The following NDFIP1 variants were observed in gnomAD, a reference collection of about 807,000 sequenced individuals.
NDFIP1 encodes the protein NEDD4 family-interacting protein 1.
Under a neutral mutation model 28.8 loss-of-function variants are expected in NDFIP1, and 7 were observed. That is an observed-to-expected ratio of 0.24 (90% CI 0.14 to 0.46). NDFIP1 has a LOEUF of 0.46. Ranked by LOEUF, NDFIP1 falls within the 20% of genes least tolerant of loss-of-function variation. NDFIP1 has a pLI of 0.99. For missense variants in NDFIP1, 194 were observed against 269.1 expected (o/e 0.72, Z 1.95); for synonymous variants, 92 against 101.0 (o/e 0.91, Z 0.53).
At chr5:142,151,079 G>A (rs745378800) in intron 7 of NDFIP1, among the ~76,000 whole-genome samples, 9 of 152,148 alleles carry the variant, frequency 5.9e-5, no homozygotes, top group Non-Finnish European at 1.3e-4. Context: ...GCATTATTTC[G>A]AGAGCATTTA....
chr5:142,142,940 A>AAAAAAAAAAAAATATAT (rs60076432), intron 6 of NDFIP1: 1 of 38,148 alleles, frequency 2.6e-5, no homozygotes, highest in African/African-American at 1.3e-4. Flanking sequence ...AAAAAAAAAA[A>AAAAAAAAAAAAATATAT]ATATATATAT....
In NDFIP1 at chr5:142,108,934, A is replaced by AGCTC. The variant is rs762686934; in HGVS notation, c.-28_-25dup. On this transcript the variant is annotated 5_prime_UTR_variant, in exon 1 of 8. Coordinates refer to ENST00000253814, the MANE Select transcript of NDFIP1 (RefSeq NM_030571.4). Reference sequence around the variant, plus strand: ...CCGCAGCGGCCGCGCCCCTTCAGCTAGCTCGCTCGCTCGCTCTGCTTCCCT... The same window carrying AGCTC: ...CCGCAGCGGCCGCGCCCCTTCAGCTAGCTCGCTCGCTCGCTCGCTCTGCTTCCCT... The AGCTC allele has an allele frequency of 1.9e-5, 27 of 1,412,362 alleles. No homozygotes were observed. Among genetic ancestry groups the AGCTC allele is most frequent in the South Asian group, 1.7e-4 (12 of 70,064 alleles). 87.5% of individuals were successfully genotyped at this position (1,412,362 alleles called of 1,614,324 possible).
intron 1 of NDFIP1, among the ~76,000 whole-genome samples, chr5:142,131,412 C>CT (rs759725738): frequency 2.0e-5 from 3 of 152,064 alleles, no homozygotes; most frequent in East Asian, 3.9e-4. Context: ...GCAGCTGGGA[C>CT]TATAGGAGTG....
chr5:142,110,855 AT>A (rs763587843), intron 1 of NDFIP1, among the ~76,000 whole-genome samples: 368 of 17,616 alleles, frequency 0.021, 5 homozygotes, highest in Admixed American at 0.13. Context: ...ATTTACATCC[AT>A]TTTTTTTTTC....
Position 142,118,399 on chromosome 5 carries a change from C to T in NDFIP1, c.63+9362C>T, listed in dbSNP as rs186310043. 2.0e-5 allele frequency among the ~76,000 whole-genome samples: 3 copies of T among 152,230 alleles called. No individual in the cohort carries two copies. In the East Asian group the frequency reaches 5.8e-4, roughly 29 times the overall value. The stretch of plus-strand genomic sequence containing the variant: ...TTGGTCAGGTCTTTGTAGAATGTCC[C>T]TCAATTGGGGTTTGTTTGATGTTTT... On this transcript the variant is annotated intron_variant, in intron 1 of 7. Coordinates refer to ENST00000253814, the MANE Select transcript of NDFIP1 (RefSeq NM_030571.4).
intron 1 of NDFIP1, among the ~76,000 whole-genome samples, chr5:142,130,388 G>A (rs916330023): frequency 6.6e-6 from 1 of 152,192 alleles, no homozygotes; most frequent in African/African-American, 2.4e-5. Context: ...ACAGATATAT[G>A]TAGAATTAGG....
At chr5:142,110,528 A>G (rs1757003085) in intron 1 of NDFIP1, among the ~76,000 whole-genome samples, 1 of 152,164 alleles carries the variant, frequency 6.6e-6, no homozygotes. Flanking sequence ...CTAGAATATA[A>G]AAAATTTGCT....
At position 142,154,019 on chromosome 5, in the gene NDFIP1, T is replaced by C. The variant is rs1237393902; in HGVS notation, c.*2291T>C. 1 of 152,472 alleles carries C rather than the reference T, an allele frequency of 6.6e-6. No individual in the cohort carries two copies. Among genetic ancestry groups the C allele is most frequent in the Non-Finnish European group, 1.5e-5 (1 of 68,134 alleles). The allele number at this position is 152,472 out of a possible 1,614,324, so 9.4% of individuals were successfully genotyped here. The stretch of plus-strand genomic sequence containing the variant: ...TAAATGTTCTGAAAATTAAAATCTT[T>C]TGAGGCACATGAAGTGGGCACCATA... On this transcript the variant is annotated 3_prime_UTR_variant, in exon 8 of 8. Transcript: ENST00000253814.
At chr5:142,130,906 T>G (rs1757221034) in intron 1 of NDFIP1, among the ~76,000 whole-genome samples, 1 of 152,194 alleles carries the variant, frequency 6.6e-6, no homozygotes. Context: ...AAGTTTAGCT[T>G]TTTTCATGTA....
intron 1 of NDFIP1, among the ~76,000 whole-genome samples, chr5:142,112,143 C>T (rs1471765777): frequency 6.6e-6 from 1 of 152,024 alleles, no homozygotes; most frequent in Non-Finnish European, 1.5e-5. Context: ...CTTTGGGAGG[C>T]CAAGGCAGGC....
At chr5:142,109,063 G>C (rs1377508038) in intron 1 of NDFIP1, 26 bp downstream of exon 1, 1 of 1,375,396 alleles carries the variant, frequency 7.3e-7, no homozygotes, top group Admixed American at 3.1e-5. Context: ...CTCCAGCCCC[G>C]AACTCCGGTC....
chr5:142,128,231 G>A (rs1215545639), intron 1 of NDFIP1, among the ~76,000 whole-genome samples: 2 of 152,146 alleles, frequency 1.3e-5, no homozygotes, highest in South Asian at 2.1e-4. Context: ...AAGAGACTGA[G>A]CATCTTTCCA....
intron 6 of NDFIP1, chr5:142,142,968 T>TATATATATATATATATATATATATATA (rs1757352438): frequency 7.8e-6 from 1 of 127,982 alleles, no homozygotes; most frequent in Non-Finnish European, 1.6e-5. Flanking sequence ...TATATATATA[T>TATATATATATATATATATATATATATA]TAATAAGAGT....
intron 1 of NDFIP1, 49 bp from the exon 2 acceptor site, chr5:142,131,759 C>A: frequency 7.0e-7 from 1 of 1,428,286 alleles, no homozygotes; most frequent in Non-Finnish European, 9.4e-7. Context: ...GGGTTCTTAT[C>A]TTTCTAATTG....
intron 2 of NDFIP1, 80 bp downstream of exon 2, chr5:142,131,975 T>C (rs2126917799): frequency 7.7e-7 from 1 of 1,296,210 alleles, no homozygotes; most frequent in Non-Finnish European, 1.1e-6. Context: ...AAAAAAAAGC[T>C]TCAGAAGCAG....
intron 1 of NDFIP1, among the ~76,000 whole-genome samples, chr5:142,128,339 C>T (rs1443690188): frequency 1.3e-5 from 2 of 152,158 alleles, no homozygotes; most frequent in Non-Finnish European, 2.9e-5. Flanking sequence ...AGGGAGGCTG[C>T]ACAGAAGGGT....
At chr5:142,132,483 T>G (rs1268869219) in intron 3 of NDFIP1, 141 bp downstream of exon 3, 6 of 1,099,964 alleles carry the variant, frequency 5.5e-6, no homozygotes, top group Non-Finnish European at 7.8e-6. Flanking sequence ...CATTTGCTTT[T>G]GGGATAATAA....
At chr5:142,118,599 T>A (rs992528403) in intron 1 of NDFIP1, among the ~76,000 whole-genome samples, 4 of 152,202 alleles carry the variant, frequency 2.6e-5, no homozygotes, top group African/African-American at 9.7e-5. Flanking sequence ...AGATACGTTT[T>A]ACCCCACTTT....
At chr5:142,146,449 T>C (rs1015237121) in intron 7 of NDFIP1, among the ~76,000 whole-genome samples, 1 of 152,242 alleles carries the variant, frequency 6.6e-6, no homozygotes, top group African/African-American at 2.4e-5. Context: ...CAGATTGGAA[T>C]TTATAGTTAG....
Sources: allele counts gnomAD v4.1 joint callset (sites outside exome capture counted in the v4.1 genomes callset), GRCh38; gene constraint gnomAD v4.1.1; transcripts MANE v1.5; gene names NCBI Gene and HGNC (gene_info 2026-07-23, HGNC 2026-07-21).